The following MLF1 variants were observed in gnomAD, a reference collection of about 807,000 sequenced individuals.
MLF1 encodes the protein myeloid leukemia factor 1.
MLF1 carries 37 observed loss-of-function variants against 38.3 expected under a neutral mutation model. The observed-to-expected ratio is 0.96, with a 90% CI of 0.74 to 1.27. MLF1 has a LOEUF of 1.27. Among genes scored for constraint, MLF1 ranks in the 50% most tolerant of loss-of-function variants. The pLI is 0.00. For missense variants in MLF1, 331 were observed against 349.2 expected, an observed-to-expected ratio of 0.95 and a Z score of 0.42; for synonymous variants, 95 against 106.5, an observed-to-expected ratio of 0.89 and a Z score of 0.66.
At chr3:158,585,031 C>G (rs1717020726) in intron 1 of MLF1, among the ~76,000 whole-genome samples, 1 of 109,830 alleles carries the variant, frequency 9.1e-6, no homozygotes, top group South Asian at 3.5e-4. Flanking sequence ...GAGCAAGACT[C>G]TGTCTGAAAA....
At chr3:158,599,534 A>G (rs1280655376) in intron 5 of MLF1, among the ~76,000 whole-genome samples, 1 of 152,210 alleles carries the variant, frequency 6.6e-6, no homozygotes, top group African/African-American at 2.4e-5. Flanking sequence ...TTAAATGTAA[A>G]CAGAATATAA....
intron 6 of MLF1, among the ~76,000 whole-genome samples, chr3:158,601,783 C>T (rs970302973): frequency 1.5e-4 from 22 of 144,022 alleles, no homozygotes; most frequent in African/African-American, 5.4e-4. Context: ...ATTCTATTAA[C>T]ATTGGGGTTT....
chr3:158,596,825 A>T, intron 3 of MLF1, 37 bp from the exon 4 acceptor site: 1 of 1,378,954 alleles, frequency 7.3e-7, no homozygotes, highest in Non-Finnish European at 1.0e-6. Flanking sequence ...TTGTGTTGTT[A>T]CCTACAGTTA....
intron 1 of MLF1, 83 bp from the exon 2 acceptor site, chr3:158,592,351 A>T (rs560635630): frequency 3.8e-5 from 47 of 1,233,420 alleles, no homozygotes; most frequent in Non-Finnish European, 5.1e-5. Flanking sequence ...TTAGCCCAAA[A>T]TAATTATTTG....
intron 1 of MLF1, among the ~76,000 whole-genome samples, chr3:158,572,240 C>T (rs1160894635): frequency 9.7e-5 from 1 of 10,312 alleles, no homozygotes. Context: ...GGGTTTTGGA[C>T]CGCGAGGTGG....
chr3:158,604,742 T>A (rs895945880), intron 7 of MLF1, among the ~76,000 whole-genome samples: 2 of 152,088 alleles, frequency 1.3e-5, no homozygotes, highest in African/African-American at 4.8e-5. Context: ...CACTGCAACC[T>A]CCACCTCCCA....
intron 1 of MLF1, chr3:158,588,744 A>G (rs1717690386): frequency 4.0e-5 from 14 of 347,360 alleles, no homozygotes; most frequent in South Asian, 3.3e-4. Context: ...TAAAAAACAG[A>G]TATTTATAGA....
intron 1 of MLF1, among the ~76,000 whole-genome samples, chr3:158,572,383 T>G: frequency 9.9e-6 from 1 of 100,858 alleles, no homozygotes; most frequent in African/African-American, 4.2e-5. Flanking sequence ...GAGTATGAAG[T>G]GCAGGGGAGG....
rs532480349 is a variant in MLF1 at position 158,584,557 on chromosome 3, A to G, written c.48-7877A>G. Among the ~76,000 whole-genome samples the G allele has an allele frequency of 1.1e-4, 17 of 152,300 alleles. No individual in the cohort carries two copies. The East Asian group carries it at 3.1e-3, about 28-fold the overall frequency. On this transcript the variant is annotated intron_variant, in intron 1 of 7. Coordinates refer to ENST00000466246, the MANE Select transcript of MLF1 (RefSeq NM_001369783.1). ...CTGAAAAGACACATATGTTAGAATT[A>G]AAAGACAAGAATTTTAAATCAGTTG...
At chr3:158,596,120 T>C (rs1458109388) in intron 3 of MLF1, among the ~76,000 whole-genome samples, 6 of 152,122 alleles carry the variant, frequency 3.9e-5, no homozygotes, top group Admixed American at 1.3e-4. Flanking sequence ...ACCCACTAGA[T>C]GCTAGTTATA....
In MLF1 at chr3:158,593,445, A is replaced by T; in HGVS notation, c.240+19A>T. ...TGGTATGGTTCGTATCTTAAGACAC[A>T]AATCATTTTAGCAATATTTTCTGAC... On this transcript the variant is annotated intron_variant, in intron 3 of 7. Coordinates refer to ENST00000466246, the MANE Select transcript of MLF1 (RefSeq NM_001369783.1). 1 of 1,539,660 alleles carries T rather than the reference A, an allele frequency of 6.5e-7. No homozygotes were observed.
Position 158,600,071 on chromosome 3 carries a change from A to G in MLF1, c.511A>G (p.Ile171Val), listed in dbSNP as rs748536677. 14 of 1,465,164 alleles carry G rather than the reference A, an allele frequency of 9.6e-6. No homozygotes were observed. The East Asian group carries it at 1.8e-4, about 19-fold the overall frequency. 90.8% of individuals were successfully genotyped at this position (1,465,164 alleles called of 1,614,324 possible). The change falls in exon 6 of 8, where the codon ATT becomes GTT. Residue 171 changes from isoleucine to valine, a missense_variant. Physicochemically the swap from Ile to Val is conservative, Grantham distance 29 (BLOSUM62 3). Coordinates refer to ENST00000466246, the MANE Select transcript of MLF1 (RefSeq NM_001369783.1). ...DSDSGLEKMA[I>V]GHHIHDRAHV... is the part of the protein sequence containing the mutation. ...TGACAGTGGACTAGAAAAAATGGCTATTGGTCATCATATCCATGACCGAGC... is the reference window on the plus strand; with the variant it reads ...TGACAGTGGACTAGAAAAAATGGCTGTTGGTCATCATATCCATGACCGAGC...
Position 158,571,310 on chromosome 3 carries a change from A to C in MLF1, c.10A>C (p.Met4Leu). 6.2e-7 allele frequency: 1 copy of C among 1,612,832 alleles called. No homozygotes were observed. The highest frequency in any genetic ancestry group is 1.1e-5 in the South Asian group (1 of 91,050). The change falls in exon 1 of 8, where the codon ATG (methionine) becomes CTG (leucine). Residue 4 changes from methionine (M) to leucine (L), a missense_variant. By Grantham distance (15) the Met-to-Leu change is conservative (BLOSUM62 2). Coordinates refer to ENST00000466246, the MANE Select transcript of MLF1 (RefSeq NM_001369783.1). ...CCAAGACAGAGCCAGAATGTTCAGG[A>C]TGCTGAACAGCAGTTTTGAGGATGA... Reference protein sequence around the residue: MFRMLNSSFEDDPF... With the variant: MFRLLNSSFEDDPF...
At position 158,571,289 on chromosome 3, in the gene MLF1, G is replaced by T. The variant is rs368308808; in HGVS notation, c.-12G>T. The stretch of plus-strand genomic sequence containing the variant: ...TCTGTCCGCGGCTGCCGCCACCCAA[G>T]ACAGAGCCAGAATGTTCAGGATGCT... On this transcript the variant is annotated 5_prime_UTR_variant, in exon 1 of 8. Transcript: ENST00000466246. 23 of 1,609,984 alleles carry T rather than the reference G, an allele frequency of 1.4e-5. No homozygotes were observed. The highest frequency in any genetic ancestry group is 1.9e-5 in the Non-Finnish European group (22 of 1,177,488).
At position 158,605,207 on chromosome 3, in the gene MLF1, C is replaced by T. The variant is rs199617681; in HGVS notation, c.*5C>T. On this transcript the variant is annotated 3_prime_UTR_variant, in exon 8 of 8. Coordinates refer to ENST00000466246, the MANE Select transcript of MLF1 (RefSeq NM_001369783.1). ...GTGAAAAGCAACAAAAAATAAATAG[C>T]CATGCATTTGATTTGTTTAGTTTTG... 18 of 1,603,038 alleles carry T rather than the reference C, an allele frequency of 1.1e-5. No homozygotes were observed. The East Asian group carries it at 3.8e-4, about 34-fold the overall frequency.
intron 1 of MLF1, among the ~76,000 whole-genome samples, chr3:158,573,695 C>T (rs1359820868): frequency 1.3e-5 from 2 of 151,992 alleles, no homozygotes; most frequent in Non-Finnish European, 2.9e-5. Context: ...TTATTTTGAT[C>T]CCTTAAATTT....
At chr3:158,584,412 A>G (rs958173526) in intron 1 of MLF1, among the ~76,000 whole-genome samples, 3 of 152,208 alleles carry the variant, frequency 2.0e-5, no homozygotes, top group Non-Finnish European at 4.4e-5. Context: ...AAAACTCTGG[A>G]GGAATATATC....
intron 7 of MLF1, 25 bp from the exon 8 acceptor site, chr3:158,605,072 T>A (rs979347742): frequency 1.8e-5 from 27 of 1,501,478 alleles, no homozygotes; most frequent in Non-Finnish European, 2.3e-5. Context: ...TAAATGATAT[T>A]AATATTCACA....
intron 1 of MLF1, among the ~76,000 whole-genome samples, chr3:158,576,834 G>A (rs142484920): frequency 1.3e-5 from 2 of 151,912 alleles, no homozygotes; most frequent in East Asian, 3.9e-4. Context: ...CACCACACCC[G>A]GCTGATTTTT....
Sources: gnomAD v4.1 joint callset for allele counts (sites outside exome capture counted in the v4.1 genomes callset) on GRCh38, gnomAD v4.1.1 for gene constraint, MANE v1.5 for transcripts, NCBI Gene and HGNC (gene_info 2026-07-23, HGNC 2026-07-21) for gene names.